Variants in SLC24A3 observed in about 807,000 individuals in gnomAD.
SLC24A3 encodes the protein sodium/potassium/calcium exchanger 3.
Under a neutral mutation model 75.8 loss-of-function variants are expected in SLC24A3, and 28 were observed. The ratio of observed to expected loss-of-function variants is 0.37; its 90% CI spans 0.27 to 0.51. The LOEUF is 0.51. SLC24A3 is among the 20% of genes least tolerant of loss of function. SLC24A3 has a pLI of 0.94. For missense variants in SLC24A3, 663 were observed against 847.8 expected, an observed-to-expected ratio of 0.78 and a Z score of 2.71; for synonymous variants, 372 against 334.1, an observed-to-expected ratio of 1.11 and a Z score of -1.24.
At chr20:19,411,336 C>A (rs540821456) in intron 2 of SLC24A3, among the ~76,000 whole-genome samples, 1 of 152,298 alleles carries the variant, frequency 6.6e-6, no homozygotes, top group Non-Finnish European at 1.5e-5. Context: ...TTTAGGGGGA[C>A]AATGACGTGG....
At chr20:19,268,349 A>G (rs971340620) in intron 1 of SLC24A3, among the ~76,000 whole-genome samples, 1 of 152,208 alleles carries the variant, frequency 6.6e-6, no homozygotes, top group African/African-American at 2.4e-5. Context: ...AAAGGTTCCA[A>G]TATTTTCTTT....
chr20:19,661,716 A>T (rs2032328730), intron 7 of SLC24A3, among the ~76,000 whole-genome samples: 1 of 152,108 alleles, frequency 6.6e-6, no homozygotes, highest in Non-Finnish European at 1.5e-5. Context: ...CATGGTGACA[A>T]TTTACAGTAA....
chr20:19,219,773 AT>A (rs1981657151), intron 1 of SLC24A3, among the ~76,000 whole-genome samples: 1 of 152,188 alleles, frequency 6.6e-6, no homozygotes, highest in African/African-American at 2.4e-5. Flanking sequence ...ATGAAATACC[AT>A]TTCTCAATAT....
At chr20:19,432,393 G>C (rs1987120104) in intron 2 of SLC24A3, among the ~76,000 whole-genome samples, 1 of 151,714 alleles carries the variant, frequency 6.6e-6, no homozygotes, top group Non-Finnish European at 1.5e-5. Context: ...AAAAATGCCT[G>C]ATTAATTTGA....
intron 2 of SLC24A3, among the ~76,000 whole-genome samples, chr20:19,405,202 A>G (rs1024985584): frequency 6.6e-6 from 1 of 152,058 alleles, no homozygotes; most frequent in Non-Finnish European, 1.5e-5. Flanking sequence ...AGGTCTCCAG[A>G]GGGCCCGGGC....
intron 2 of SLC24A3, among the ~76,000 whole-genome samples, chr20:19,293,029 T>G (rs6112294): frequency 0.04 from 6,063 of 151,620 alleles, 403 homozygotes; most frequent in African/African-American, 0.14. Flanking sequence ...ACCCCCTGCC[T>G]TGGGGGCTAG....
intron 6 of SLC24A3, among the ~76,000 whole-genome samples, chr20:19,615,391 C>T (rs1398498149): frequency 6.6e-6 from 1 of 152,140 alleles, no homozygotes; most frequent in Non-Finnish European, 1.5e-5. Context: ...TTAATTGGCT[C>T]GCATTCTGCA....
intron 9 of SLC24A3, among the ~76,000 whole-genome samples, chr20:19,677,686 C>CTT (rs796484728): frequency 8.8e-6 from 1 of 113,934 alleles, no homozygotes; most frequent in African/African-American, 3.3e-5. Flanking sequence ...TTTTTTTTTT[C>CTT]TTTTTTTTTT....
intron 2 of SLC24A3, among the ~76,000 whole-genome samples, chr20:19,423,136 G>A (rs375794641): frequency 6.6e-6 from 1 of 152,234 alleles, no homozygotes; most frequent in African/African-American, 2.4e-5. Context: ...CATCCAGCCG[G>A]TCTGGCCAAG....
At chr20:19,387,529 C>T (rs1365301776) in intron 2 of SLC24A3, among the ~76,000 whole-genome samples, 1 of 152,130 alleles carries the variant, frequency 6.6e-6, no homozygotes, top group East Asian at 1.9e-4. Flanking sequence ...TTTCCAACTT[C>T]ATTTGTCTCA....
At chr20:19,264,495 C>T (rs960649030) in intron 1 of SLC24A3, among the ~76,000 whole-genome samples, 4 of 151,760 alleles carry the variant, frequency 2.6e-5, no homozygotes, top group African/African-American at 4.8e-5. Flanking sequence ...GAGGCCGAGG[C>T]GGGTGGATTG....
At chr20:19,426,314 G>A (rs1987005287) in intron 2 of SLC24A3, among the ~76,000 whole-genome samples, 1 of 152,188 alleles carries the variant, frequency 6.6e-6, no homozygotes, top group Admixed American at 6.5e-5. Flanking sequence ...CAGGTAAAAT[G>A]TAAGATTTCT....
intron 6 of SLC24A3, among the ~76,000 whole-genome samples, chr20:19,632,318 G>A (rs2031944046): frequency 6.6e-6 from 1 of 152,202 alleles, no homozygotes; most frequent in South Asian, 2.1e-4. Context: ...GATGTTAGAA[G>A]TCTAAAATCG....
intron 2 of SLC24A3, among the ~76,000 whole-genome samples, chr20:19,281,327 C>A (rs188010503): frequency 6.6e-6 from 1 of 152,122 alleles, no homozygotes; most frequent in Non-Finnish European, 1.5e-5. Context: ...ACTCCTGATG[C>A]GGTACTGAGA....
intron 2 of SLC24A3, among the ~76,000 whole-genome samples, chr20:19,337,470 AAATT>A (rs370939740): frequency 2.3e-5 from 2 of 86,836 alleles, no homozygotes; most frequent in Admixed American, 2.3e-4. Context: ...ATAAATAAAT[AAATT>A]AATTAATTAA....
intron 2 of SLC24A3, among the ~76,000 whole-genome samples, chr20:19,388,420 A>G (rs752821086): frequency 3.1e-4 from 47 of 152,326 alleles, no homozygotes; most frequent in Non-Finnish European, 6.2e-4. Context: ...ATATAAGTAT[A>G]GCTATCCTCA....
At chr20:19,482,595 G>A (rs1600247854) in intron 2 of SLC24A3, among the ~76,000 whole-genome samples, 1 of 152,200 alleles carries the variant, frequency 6.6e-6, no homozygotes, top group South Asian at 2.1e-4. Context: ...CCATTGGCAG[G>A]CACATAACAT....
At chr20:19,678,843 G>GAT (rs2032570958) in intron 9 of SLC24A3, among the ~76,000 whole-genome samples, 1 of 151,238 alleles carries the variant, frequency 6.6e-6, no homozygotes, top group African/African-American at 2.4e-5. Context: ...GCTGGGCAGA[G>GAT]ACGCTCCTCA....
intron 12 of SLC24A3, among the ~76,000 whole-genome samples, chr20:19,688,273 G>C (rs968204696): frequency 6.6e-6 from 1 of 152,140 alleles, no homozygotes; most frequent in African/African-American, 2.4e-5. Flanking sequence ...CTTGGAGCAC[G>C]GAGAGGCTAG....
Sources: allele counts gnomAD v4.1 joint callset (sites outside exome capture counted in the v4.1 genomes callset), GRCh38; gene constraint gnomAD v4.1.1; transcripts MANE v1.5; gene names NCBI Gene and HGNC (gene_info 2026-07-23, HGNC 2026-07-21).